The following CEP162 variants were observed in gnomAD, a reference collection of about 807,000 sequenced individuals.
The protein encoded by CEP162 is centrosomal protein of 162 kDa.
In CEP162, 141 loss-of-function variants were observed where a neutral mutation model predicts 169.2. The observed-to-expected ratio is 0.83, with a 90% CI of 0.73 to 0.96. The LOEUF is 0.96. Ranked by LOEUF, CEP162 falls within the 40% of genes least tolerant of loss-of-function variation. CEP162 has a pLI of 0.00. For synonymous variants in CEP162, 540 were observed against 526.4 expected (o/e 1.03, Z -0.35); for missense variants, 1,600 against 1,587.2 (o/e 1.01, Z -0.14).
intron 3 of CEP162, chr6:84,219,096 A>ACT: frequency 1.9e-6 from 2 of 1,040,208 alleles, no homozygotes; most frequent in South Asian, 2.8e-5. Flanking sequence ...TTAATGTTTA[A>ACT]TGGTACCTGT....
At chr6:84,214,534 G>C (rs529958393) in intron 5 of CEP162, among the ~76,000 whole-genome samples, 2 of 152,202 alleles carry the variant, frequency 1.3e-5, no homozygotes, top group South Asian at 4.1e-4. Context: ...AAAAATCTCA[G>C]ACCCCGCAAA....
At position 84,155,164 on chromosome 6, in the gene CEP162, G is replaced by C. The variant is rs57334868; in HGVS notation, c.2994+134C>G. 1.9e-3 allele frequency: 1,291 copies of C among 693,310 alleles called. 7 individuals are homozygous for C. The African/African-American group carries it at 0.021, about 12-fold the overall frequency. The allele number at this position is 693,310 out of a possible 1,614,324, so 42.9% of individuals were successfully genotyped here. ...AAATAGGATGCACTTGGTTTCTTTT[G>C]CACCTATTGATACCAGTGGTAAAGG... is the stretch of plus-strand genomic sequence containing the variant. On this transcript the variant is annotated intron_variant, in intron 22 of 26. Transcript: ENST00000403245.
chr6:84,221,231 TC>T, intron 2 of CEP162, 60 bp from the exon 3 acceptor site: 1 of 828,862 alleles, frequency 1.2e-6, no homozygotes, highest in Non-Finnish European at 2.1e-6. Flanking sequence ...AATCTCAGAT[TC>T]ATCATTAAGC....
rs1049930029 is a variant in CEP162 at position 84,186,366 on chromosome 6, G to A, written c.1367C>T (p.Ser456Phe). 7.5e-6 allele frequency: 11 copies of A among 1,463,712 alleles called. No individual in the cohort carries two copies. Among genetic ancestry groups the A allele is most frequent in the African/African-American group, 4.2e-5 (3 of 71,926 alleles). 90.7% of individuals were successfully genotyped at this position (1,463,712 alleles called of 1,614,324 possible). A position where few individuals can be genotyped will look rare whatever the true frequency, so the allele number is the denominator to read the frequency against. ...TTTGTCATCCTGAGATAATGATGAA[G>A]AATTAACAGTTATTTTTTTCCTCAA... The part of the protein sequence containing the change: ...NILRKKITVN[S>F]SSLSQDDKIN... Residue 456 changes from serine (S) to phenylalanine (F), a missense_variant, in exon 12 of 27, where the codon TCT becomes TTT. Transcript: ENST00000403245.
At position 84,185,390 on chromosome 6, in the gene CEP162, G is replaced by T. The variant is rs1401938791; in HGVS notation, c.1460C>A (p.Pro487Gln). 6.2e-7 allele frequency: 1 copy of T among 1,613,276 alleles called. No homozygotes were observed. The highest frequency in any genetic ancestry group is 1.7e-5 in the Admixed American group (1 of 59,994). Residue 487 changes from proline (P) to glutamine (Q), a missense_variant, in exon 13 of 27, where the codon CCA (proline) becomes CAA (glutamine). Transcript: ENST00000403245. The part of the protein sequence containing the change: ...EEGAVMGKQV[P>Q]YKKARSAPPL... ...AGGTGCACTTCTGGCCTTCTTGTAT[G>T]GTACCTGTTTACCCATTACAGCCCC... is the stretch of plus-strand genomic sequence containing the variant.
chr6:84,213,208 G>A (rs1022573658), intron 5 of CEP162, among the ~76,000 whole-genome samples, 184 bp from the exon 6 acceptor site: 10 of 152,022 alleles, frequency 6.6e-5, no homozygotes, highest in South Asian at 2.1e-4. Flanking sequence ...AAGCATCTTC[G>A]AAGCATTTGA....
chr6:84,198,799 G>T (rs1011259159), intron 9 of CEP162, among the ~76,000 whole-genome samples: 1 of 151,930 alleles, frequency 6.6e-6, no homozygotes, highest in Admixed American at 6.6e-5. Context: ...CATCAAAAGG[G>T]TTCATTTTAA....
At chr6:84,136,834 G>A (rs2099514317) in intron 25 of CEP162, among the ~76,000 whole-genome samples, 2 of 152,182 alleles carry the variant, frequency 1.3e-5, no homozygotes, top group South Asian at 4.1e-4. Flanking sequence ...TTCTGCATGA[G>A]AAACTGACCT....
At chr6:84,143,573 GA>G (rs971090492) in intron 25 of CEP162, among the ~76,000 whole-genome samples, 32 of 151,846 alleles carry the variant, frequency 2.1e-4, no homozygotes, top group African/African-American at 7.2e-4. Flanking sequence ...GTTTTATAAT[GA>G]AAAAGGAGAA....
chr6:84,154,368 C>G (rs183631589), intron 22 of CEP162, among the ~76,000 whole-genome samples: 39 of 138,430 alleles, frequency 2.8e-4, no homozygotes, highest in Admixed American at 2.8e-3. Context: ...GTCTATCTAT[C>G]TATCTATCTA....
chr6:84,149,784 G>A, intron 23 of CEP162, 81 bp from the exon 24 acceptor site: 2 of 1,216,784 alleles, frequency 1.6e-6, no homozygotes, highest in Non-Finnish European at 2.2e-6. Flanking sequence ...AACAGTAGAA[G>A]AAACCTGGGA....
chr6:84,201,595 T>A, intron 8 of CEP162, 142 bp downstream of exon 8: 1 of 571,248 alleles, frequency 1.8e-6, no homozygotes, highest in South Asian at 2.0e-5. Flanking sequence ...TAGAAACACA[T>A]TATTGAGAAA....
chr6:84,226,229 G>T, intron 2 of CEP162, 108 bp downstream of exon 2: 1 of 737,406 alleles, frequency 1.4e-6, no homozygotes, highest in Non-Finnish European at 2.3e-6. Flanking sequence ...GGGATGATGG[G>T]AATTCAGAGT....
At chr6:84,129,869 G>A (rs2099510553) in intron 25 of CEP162, among the ~76,000 whole-genome samples, 1 of 152,012 alleles carries the variant, frequency 6.6e-6, no homozygotes, top group Non-Finnish European at 1.5e-5. Context: ...TTGCCTGATT[G>A]TTCTGGCCAG....
intron 3 of CEP162, among the ~76,000 whole-genome samples, chr6:84,217,639 T>C (rs556523646): frequency 9.4e-4 from 143 of 152,190 alleles, no homozygotes; most frequent in African/African-American, 3.2e-3. Context: ...TTATAACAAG[T>C]GAAATGAGAA....
intron 25 of CEP162, among the ~76,000 whole-genome samples, chr6:84,128,853 C>G (rs1358227757): frequency 1.3e-5 from 2 of 151,716 alleles, no homozygotes; most frequent in Non-Finnish European, 2.9e-5. Context: ...ACCCCCAACC[C>G]CCCGACAGGC....
intron 9 of CEP162, among the ~76,000 whole-genome samples, chr6:84,197,228 C>A: frequency 6.7e-6 from 1 of 150,324 alleles, no homozygotes; most frequent in African/African-American, 2.4e-5. Context: ...AACAAATGAC[C>A]TAAAAGTTAG....
intron 6 of CEP162, among the ~76,000 whole-genome samples, chr6:84,212,375 T>C (rs145487414): frequency 4.9e-4 from 75 of 152,226 alleles, no homozygotes; most frequent in African/African-American, 1.7e-3. Flanking sequence ...TTTTAAGACA[T>C]GTAGAAGAAA....
intron 11 of CEP162, among the ~76,000 whole-genome samples, chr6:84,191,393 C>A (rs970809521): frequency 5.3e-5 from 8 of 152,290 alleles, no homozygotes; most frequent in Admixed American, 3.9e-4. Context: ...AGAATAATAA[C>A]CTAATCAAGG....
Sources: allele counts gnomAD v4.1 joint callset (sites outside exome capture counted in the v4.1 genomes callset), GRCh38; gene constraint gnomAD v4.1.1; transcripts MANE v1.5; gene names NCBI Gene and HGNC (gene_info 2026-07-23, HGNC 2026-07-21).